LSP1: variants seen among roughly 807,000 people sequenced by gnomAD.
LSP1 encodes lymphocyte specific protein 1.
A neutral mutation model predicts 49.3 loss-of-function variants in LSP1; 32 were observed. The observed-to-expected ratio is 0.65, with a 90% CI of 0.49 to 0.87. The LOEUF (loss-of-function observed/expected upper bound fraction) is 0.87, where lower values mean the gene tolerates loss of function less well. LSP1 is among the 40% of genes least tolerant of loss of function. LSP1 has a pLI of 0.00. For missense variants in LSP1, 428 were observed against 442.6 expected (o/e 0.97, Z 0.30); for synonymous variants, 179 against 178.8 (o/e 1.00, Z -0.01).
intron 3 of LSP1, among the ~76,000 whole-genome samples, chr11:1,882,084 G>A (rs1329752098): frequency 2.0e-5 from 3 of 152,174 alleles, no homozygotes; most frequent in East Asian, 1.9e-4. Context: ...TGTGCATGCC[G>A]GAGAGTCGGC....
At chr11:1,866,922 C>T (rs781321169) in intron 1 of LSP1, 60 of 1,497,622 alleles carry the variant, frequency 4.0e-5, no homozygotes, top group Non-Finnish European at 4.9e-5. Flanking sequence ...GTGAGCAAGC[C>T]GCACTCAGGA....
chr11:1,872,382 G>A (rs1848070089), intron 1 of LSP1, among the ~76,000 whole-genome samples: 1 of 145,250 alleles, frequency 6.9e-6, no homozygotes, highest in Non-Finnish European at 1.5e-5. Flanking sequence ...GCTGGCGTGG[G>A]CACCTTTGGG....
chr11:1,866,931 G>A (rs1455978323), intron 1 of LSP1: 2 of 1,490,658 alleles, frequency 1.3e-6, no homozygotes, highest in South Asian at 2.6e-5. Flanking sequence ...CCGCACTCAG[G>A]AGGCACTGAA....
At chr11:1,870,684 G>T in intron 1 of LSP1, 1 of 1,041,394 alleles carries the variant, frequency 9.6e-7, no homozygotes, top group Non-Finnish European at 1.2e-6. Context: ...TCTGAATAAT[G>T]TATGAAGCCT....
rs752663810 is a variant in LSP1, at chr11:1,890,152, G to C, written c.*14-1621G>C. 9.8e-6 allele frequency: 7 copies of C among 717,128 alleles called. No individual in the cohort carries two copies. The South Asian group carries it at 1.0e-4, about 11-fold the overall frequency. The allele number at this position is 717,128 out of a possible 1,614,324, so 44.4% of individuals were successfully genotyped here. ...ACCTGGGGCCCCATGGCCCTGAATTGAGCAGCTAGAATCCTGCGCTGGGTG... is the reference window on the plus strand; with the variant it reads ...ACCTGGGGCCCCATGGCCCTGAATTCAGCAGCTAGAATCCTGCGCTGGGTG... On this transcript the variant is annotated intron_variant, in intron 10 of 10. Transcript: ENST00000311604.
chr11:1,890,397 C>T lies in LSP1; in HGVS notation c.*14-1376C>T, dbSNP rs1037001923. ...CTCACTCACGGGGGACAGGGAGGTG[C>T]GGAAGGCCCTGGGTGGAGCGAGGTG... On this transcript the variant is annotated intron_variant, in intron 10 of 10. Transcript: ENST00000311604. 22 of 716,802 alleles carry T rather than the reference C, an allele frequency of 3.1e-5. 1 individual carries two copies. Among genetic ancestry groups the T allele is most frequent in the Middle Eastern group, 4.6e-4 (2 of 4,388 alleles). 44.4% of individuals were successfully genotyped at this position (716,802 alleles called of 1,614,324 possible).
chr11:1,872,814 C>G (rs144982620), intron 1 of LSP1, among the ~76,000 whole-genome samples: 3 of 152,172 alleles, frequency 2.0e-5, no homozygotes, highest in Admixed American at 6.5e-5. Flanking sequence ...CACCCCGGCC[C>G]GCACTCAGAC....
intron 3 of LSP1, among the ~76,000 whole-genome samples, chr11:1,882,455 CCCAAGAACCACTGGTCCTGG>C (rs1227054199): frequency 6.6e-6 from 1 of 152,186 alleles, no homozygotes; most frequent in East Asian, 1.9e-4. Flanking sequence ...GCTCCCACTC[CCCAAGAACCACTGGTCCTGG>C]CCTGGCGCAG....
At chr11:1,859,371 C>G (rs1289890086) in intron 1 of LSP1, 1 of 152,560 alleles carries the variant, frequency 6.6e-6, no homozygotes, top group East Asian at 1.9e-4. Context: ...CTGCTCCATC[C>G]CTGGCAGGTG....
Position 1,883,534 on chromosome 11 carries a change from G to A in LSP1, c.472G>A (p.Ala158Thr), listed in dbSNP as rs747106345. ...CACTGTCCAGGACAACCTGGGGGCC[G>A]CAGGGGCTGAGGAGGAACAGGAGGA... The part of the protein sequence containing the change: ...EDTVQDNLGA[A>T]GAEEEQEEHQ... The change falls in exon 4 of 11, where the codon GCA becomes ACA. Residue 158 changes from alanine (A) to threonine (T), a missense_variant. Ala to Thr is a moderately conservative substitution (Grantham distance 58). Coordinates refer to ENST00000311604, the MANE Select transcript of LSP1 (RefSeq NM_002339.3). 11 of 1,612,610 alleles carry A rather than the reference G, an allele frequency of 6.8e-6. No homozygotes were observed. Among genetic ancestry groups the A allele is most frequent in the African/African-American group, 5.3e-5 (4 of 74,892 alleles).
Position 1,883,963 on chromosome 11 carries a change from G to T in LSP1, c.530G>T (p.Ser177Ile). Residue 177 changes from serine to isoleucine, a missense_variant, in exon 5 of 11, where the codon AGC (serine) becomes ATC (isoleucine). Transcript: ENST00000311604. Reference protein sequence around the residue: ...HQKCQQPRTPSPLVLEGTIEQ... With the variant: ...HQKCQQPRTPIPLVLEGTIEQ... ...AAATGTCAGCAGCCCAGGACACCCA[G>T]CCCCTTGGTCTTGGAGGGGACCATC... The T allele has an allele frequency of 6.2e-7, 1 of 1,611,324 alleles. No homozygotes were observed. The highest frequency in any genetic ancestry group is 8.5e-7 in the Non-Finnish European group (1 of 1,179,216).
At chr11:1,865,535 C>T (rs1481070276) in intron 1 of LSP1, among the ~76,000 whole-genome samples, 8 of 148,392 alleles carry the variant, frequency 5.4e-5, no homozygotes, top group African/African-American at 1.7e-4. Context: ...CCTGCTCACA[C>T]CGTCCCACCC....
At chr11:1,876,615 T>A (rs1344171292) in intron 1 of LSP1, 2 of 985,314 alleles carry the variant, frequency 2.0e-6, no homozygotes, top group African/African-American at 3.5e-5. Flanking sequence ...CGGACACCCA[T>A]TCTGCAAGTG....
intron 2 of LSP1, 137 bp downstream of exon 2, chr11:1,880,361 G>A: frequency 8.9e-7 from 1 of 1,123,352 alleles, no homozygotes; most frequent in Non-Finnish European, 1.2e-6. Flanking sequence ...CCCAGGAGCA[G>A]GCGTGGGAGT....
At chr11:1,871,278 C>A in intron 1 of LSP1, 6 of 986,708 alleles carry the variant, frequency 6.1e-6, no homozygotes, top group Non-Finnish European at 7.2e-6. Flanking sequence ...CAGGCAGGGC[C>A]ACCCACGAGC....
At position 1,865,125 on chromosome 11, in the gene LSP1, G is replaced by A. The variant is rs554761517; in HGVS notation, c.53+11928G>A. 9 of 882,170 alleles carry A rather than the reference G, an allele frequency of 1.0e-5. No individual in the cohort carries two copies. The African/African-American group carries it at 1.1e-4, about 11-fold the overall frequency. 54.6% of individuals were successfully genotyped at this position (882,170 alleles called of 1,614,324 possible). A position where few individuals can be genotyped will look rare whatever the true frequency, so the allele number is the denominator to read the frequency against. On this transcript the variant is annotated intron_variant, in intron 1 of 10. Coordinates refer to ENST00000311604, the MANE Select transcript of LSP1 (RefSeq NM_002339.3). Reference sequence around the variant, plus strand: ...GGGCAGCAGAGAGGAGGGCCAGCAGGACAGGAGCCTTTGAGATGCTGCTCT... The same window carrying A: ...GGGCAGCAGAGAGGAGGGCCAGCAGAACAGGAGCCTTTGAGATGCTGCTCT...
At position 1,881,573 on chromosome 11, in the gene LSP1, T is replaced by C; in HGVS notation, c.333T>C (p.Ser111=). The part of the protein sequence containing the change: ...LDSGEPPQCR[S]PEGEQEDRPG... ...GCGGAGAGCCCCCCCAGTGCAGGAGTCCTGAGGGGGAGCAAGAGGACAGGT... is the reference window on the plus strand; with the variant it reads ...GCGGAGAGCCCCCCCAGTGCAGGAGCCCTGAGGGGGAGCAAGAGGACAGGT... Residue 111 remains serine (S), a synonymous_variant, in exon 3 of 11, where the codon AGT becomes AGC. Transcript: ENST00000311604. 1 of 1,513,582 alleles carries C rather than the reference T, an allele frequency of 6.6e-7. No individual in the cohort carries two copies. The highest frequency in any genetic ancestry group is 8.9e-7 in the Non-Finnish European group (1 of 1,127,640). 93.8% of individuals were successfully genotyped at this position (1,513,582 alleles called of 1,614,324 possible).
intron 1 of LSP1, chr11:1,870,909 C>T (rs1048683055): frequency 1.1e-5 from 11 of 985,692 alleles, no homozygotes; most frequent in African/African-American, 3.5e-5. Flanking sequence ...CTGGCCCAGG[C>T]GCCGCAGCGC....
chr11:1,854,942 A>AG (rs967508696), intron 1 of LSP1, among the ~76,000 whole-genome samples: 11 of 151,988 alleles, frequency 7.2e-5, no homozygotes, highest in Admixed American at 4.6e-4. Context: ...AGGAGCGGGG[A>AG]GGGGGGGTTG....
Sources: gnomAD v4.1 joint callset for allele counts (sites outside exome capture counted in the v4.1 genomes callset) on GRCh38, gnomAD v4.1.1 for gene constraint, MANE v1.5 for transcripts, NCBI Gene and HGNC (gene_info 2026-07-23, HGNC 2026-07-21) for gene names.